Variants in KLK7 observed in about 807,000 individuals in gnomAD.
KLK7 encodes kallikrein-7.
Under a neutral mutation model 21.0 loss-of-function variants are expected in KLK7, and 17 were observed. That is an observed-to-expected ratio of 0.81 (90% CI 0.55 to 1.21). The LOEUF is 1.21. Ranked by LOEUF, KLK7 falls within the 50% of genes most tolerant of loss-of-function variation. The pLI is 0.00. For missense variants in KLK7, 330 were observed against 322.8 expected (o/e 1.02, Z -0.17); for synonymous variants, 151 against 134.6 (o/e 1.12, Z -0.85).
intron 3 of KLK7, 31 bp from the exon 4 acceptor site, chr19:50,980,518 G>A (rs763512188): frequency 1.9e-6 from 3 of 1,612,784 alleles, no homozygotes; most frequent in Admixed American, 3.3e-5. Context: ...AGATTCAGAA[G>A]AGACACTGTG....
intron 2 of KLK7, 44 bp from the exon 3 acceptor site, chr19:50,981,958 G>C (rs1243116705): frequency 1.3e-6 from 2 of 1,595,830 alleles, no homozygotes; most frequent in Admixed American, 1.7e-5. Flanking sequence ...TAGCATTAGG[G>C]GAAGGCTGAG....
intron 3 of KLK7, among the ~76,000 whole-genome samples, chr19:50,980,763 CAGAGACACAGAGAGAGGAGGGGGGAG>C (rs2091074176): frequency 1.5e-5 from 1 of 68,294 alleles, no homozygotes; most frequent in Admixed American, 2.3e-4. Flanking sequence ...GGAGGGGGGA[CAGAGACACAGAGAGAGGAGGGGGGAG>C]AGAGACACAG....
Position 50,979,822 on chromosome 19 carries a change from G to A in KLK7, c.572C>T (p.Ala191Val). Residue 191 changes from alanine (A) to valine (V), a missense_variant, in exon 5 of 6, where the codon GCT becomes GTT. Physicochemically the swap from Ala to Val is moderately conservative, Grantham distance 64. Coordinates refer to ENST00000595820, the MANE Select transcript of KLK7 (RefSeq NM_005046.4). ...GTTTTTCTTGGAGTCGGGGATGCCAGCGCACAGCATGGAATTTTCCAGTAA... is the reference window on the plus strand; with the variant it reads ...GTTTTTCTTGGAGTCGGGGATGCCAACGCACAGCATGGAATTTTCCAGTAA... ...KDLLENSMLC[A>V]GIPDSKKNAC... 2 of 1,576,280 alleles carry A rather than the reference G, an allele frequency of 1.3e-6. No homozygotes were observed. Among genetic ancestry groups the A allele is most frequent in the South Asian group, 2.3e-5 (2 of 85,908 alleles).
chr19:50,980,222 G>A lies in KLK7; in HGVS notation c.469+18C>T. 6.2e-7 allele frequency: 1 copy of A among 1,612,592 alleles called. No homozygotes were observed. The highest frequency in any genetic ancestry group is 2.2e-5 in the East Asian group (1 of 44,838). ...GGAGGGCTGGGGCCTGCACTCCTGG[G>A]TCACTGAGGCCACCTACCATCTGGG... On this transcript the variant is annotated intron_variant, in intron 4 of 5. Coordinates refer to ENST00000595820, the MANE Select transcript of KLK7 (RefSeq NM_005046.4).
intron 2 of KLK7, 66 bp from the exon 3 acceptor site, chr19:50,981,980 G>A (rs2091093054): frequency 1.3e-6 from 2 of 1,516,686 alleles, no homozygotes; most frequent in South Asian, 2.4e-5. Context: ...CTGCACCTCA[G>A]GGATTCCCAG....
chr19:50,978,731 A>G (rs4802763), intron 5 of KLK7, among the ~76,000 whole-genome samples: 121,546 of 131,778 alleles, frequency 0.92, 56,227 homozygotes, highest in East Asian at 1. Flanking sequence ...GGGGAGCGGC[A>G]GGGAGAGGAG....
At position 50,978,575 on chromosome 19, in the gene KLK7, TG is replaced by T. The variant is rs553488022; in HGVS notation, c.607-885del. ...TGTGGGAAGAGAAGAGAGAGAGAGA[TG>T]GGGGTGGAGAAGAAAGAGGGAGAAG... On this transcript the variant is annotated intron_variant, in intron 5 of 5. Transcript: ENST00000595820. 1.8e-4 allele frequency among the ~76,000 whole-genome samples: 16 copies of T among 88,796 alleles called. No homozygotes were observed. In the East Asian group the frequency reaches 6.1e-3, roughly 34 times the overall value. 58.3% of individuals were successfully genotyped at this position (88,796 alleles called of 152,430 possible).
chr19:50,977,011 T>C lies in KLK7; in HGVS notation c.*525A>G, dbSNP rs80056616. 0.052 allele frequency: 7,969 copies of C among 153,576 alleles called. 234 individuals are homozygous for C. Among genetic ancestry groups the C allele is most frequent in the Middle Eastern group, 0.075 (22 of 294 alleles). 9.5% of individuals were successfully genotyped at this position (153,576 alleles called of 1,614,324 possible). On this transcript the variant is annotated 3_prime_UTR_variant, in exon 6 of 6. Coordinates refer to ENST00000595820, the MANE Select transcript of KLK7 (RefSeq NM_005046.4). ...AGTGAGCCAAGATTGCATCACTGCA[T>C]TGCAGCCCAAGCAACAGAGACTCTG...
intron 3 of KLK7, among the ~76,000 whole-genome samples, chr19:50,981,030 G>A (rs1329942590): frequency 6.6e-5 from 9 of 135,566 alleles, no homozygotes; most frequent in East Asian, 2.6e-4. Context: ...GAGATCCAGA[G>A]AGAGAGGAGG....
intron 3 of KLK7, among the ~76,000 whole-genome samples, chr19:50,981,419 G>A (rs546327022): frequency 1.6e-5 from 2 of 124,342 alleles, no homozygotes; most frequent in South Asian, 6.0e-4. Context: ...GGGAGAGGGG[G>A]ACAGAGATCC....
Position 50,977,665 on chromosome 19 carries a change from G to C in KLK7, c.633C>G (p.Cys211Trp). Residue 211 changes from cysteine (C) to tryptophan (W), a missense_variant, in exon 6 of 6, where the codon TGC becomes TGG. Coordinates refer to ENST00000595820, the MANE Select transcript of KLK7 (RefSeq NM_005046.4). Reference sequence around the variant, plus strand: ...ACACCAGACCTTGCAGGGTACCTCTGCACACCAACGGTCCCCCTGAGTCAC... The same window carrying C: ...ACACCAGACCTTGCAGGGTACCTCTCCACACCAACGGTCCCCCTGAGTCAC... ...CNGDSGGPLVCRGTLQGLVSW... is the reference protein window; with the variant it reads ...CNGDSGGPLVWRGTLQGLVSW... The C allele has an allele frequency of 6.2e-7, 1 of 1,613,438 alleles. No individual in the cohort carries two copies.
rs1182441809 is a variant in KLK7, at chr19:50,983,854, G to T, written c.-62C>A. ...CCTTGATGAAGCCTCTTCTCACCTC[G>T]AGAGGATCTGATGTGATCCAAGTTC... is the stretch of plus-strand genomic sequence containing the variant. On this transcript the variant is annotated 5_prime_UTR_variant, in exon 1 of 6. Coordinates refer to ENST00000595820, the MANE Select transcript of KLK7 (RefSeq NM_005046.4). 7.8e-7 allele frequency: 1 copy of T among 1,289,154 alleles called. No individual in the cohort carries two copies. The highest frequency in any genetic ancestry group is 1.0e-6 in the Non-Finnish European group (1 of 988,732). The allele number at this position is 1,289,154 out of a possible 1,614,324, so 79.9% of individuals were successfully genotyped here. A position where few individuals can be genotyped will look rare whatever the true frequency, so the allele number is the denominator to read the frequency against.
intron 5 of KLK7, 88 bp downstream of exon 5, chr19:50,979,700 G>T: frequency 1.5e-6 from 2 of 1,368,152 alleles, no homozygotes; most frequent in Non-Finnish European, 2.0e-6. Flanking sequence ...GCCGGGCTTG[G>T]TACCCAGTCA....
Position 50,982,338 on chromosome 19 carries a change from G to A in KLK7, c.62C>T (p.Ala21Val), listed in dbSNP as rs1178101348. The A allele has an allele frequency of 6.2e-7, 1 of 1,610,276 alleles. No individual in the cohort carries two copies. Among genetic ancestry groups the A allele is most frequent in the African/African-American group, 1.3e-5 (1 of 74,876 alleles). ...AGTCCAGCTTTCACCTTCTTCTCCT[G>A]CAGTTTCCAAGGCTAAGGATAGCAG... ...ILLLSLALETAGEEAQGDKII... is the reference protein window; with the variant it reads ...ILLLSLALETVGEEAQGDKII... The change falls in exon 2 of 6, where the codon GCA (alanine) becomes GTA (valine). Residue 21 changes from alanine (A) to valine (V), a missense_variant. Physicochemically the swap from Ala to Val is moderately conservative, Grantham distance 64. Transcript: ENST00000595820.
intron 5 of KLK7, among the ~76,000 whole-genome samples, chr19:50,978,851 A>AG (rs150299655): frequency 4.9e-4 from 65 of 132,282 alleles, no homozygotes; most frequent in African/African-American, 1.8e-3. Context: ...GAAAGAGGAG[A>AG]GGGCCAGAGA....
intron 2 of KLK7, 71 bp downstream of exon 2, chr19:50,982,256 A>G (rs2091095116): frequency 1.3e-6 from 2 of 1,555,704 alleles, no homozygotes; most frequent in Admixed American, 3.9e-5. Flanking sequence ...AAGGGTTCTG[A>G]CTCAGGGACT....
At chr19:50,978,620 G>C (rs60863739) in intron 5 of KLK7, among the ~76,000 whole-genome samples, 1 of 127,716 alleles carries the variant, frequency 7.8e-6, no homozygotes, top group Admixed American at 7.9e-5. Context: ...AAAGAGAAAG[G>C]GGGGGAAGGT....
chr19:50,982,773 C>T (rs2091100151), intron 1 of KLK7, among the ~76,000 whole-genome samples: 2 of 130,762 alleles, frequency 1.5e-5, no homozygotes, highest in South Asian at 2.6e-4. Context: ...GGAGTCCAGG[C>T]CCCCAGCCCC....
At chr19:50,982,634 C>T (rs2091099356) in intron 1 of KLK7, among the ~76,000 whole-genome samples, 177 bp from the exon 2 acceptor site, 2 of 146,958 alleles carry the variant, frequency 1.4e-5, no homozygotes, top group South Asian at 4.4e-4. Flanking sequence ...ACCCCAGCCC[C>T]TCCTCCCTCA....
Sources: gnomAD v4.1 joint callset for allele counts (sites outside exome capture counted in the v4.1 genomes callset) on GRCh38, gnomAD v4.1.1 for gene constraint, MANE v1.5 for transcripts, NCBI Gene and HGNC (gene_info 2026-07-23, HGNC 2026-07-21) for gene names.